Variants in JADE1 observed in about 807,000 individuals in gnomAD.
JADE1 encodes protein Jade-1.
In JADE1, 14 loss-of-function variants were observed where a neutral mutation model predicts 81.8. The ratio of observed to expected loss-of-function variants is 0.17; its 90% CI spans 0.11 to 0.27. JADE1 has a LOEUF of 0.27. Among genes scored for constraint, JADE1 ranks in the 10% least tolerant of loss-of-function variants. JADE1 has a pLI of 1.00. For missense variants in JADE1, 690 were observed against 1,047.9 expected (o/e 0.66, Z 4.71); for synonymous variants, 353 against 391.9 (o/e 0.90, Z 1.17).
chr4:128,872,870 G>C lies in JADE1; in HGVS notation c.*608G>C, dbSNP rs765136322. Reference sequence around the variant, plus strand: ...AAAGGTCATTATTGAAGAAGCTGAGGGGACAGGGTAGAGCTGCTGCAATAT... The same window carrying C: ...AAAGGTCATTATTGAAGAAGCTGAGCGGACAGGGTAGAGCTGCTGCAATAT... On this transcript the variant is annotated 3_prime_UTR_variant, in exon 11 of 11. Transcript: ENST00000226319. 1 of 453,868 alleles carries C rather than the reference G, an allele frequency of 2.2e-6. No homozygotes were observed. The highest frequency in any genetic ancestry group is 2.0e-5 in the African/African-American group (1 of 50,110). The allele number at this position is 453,868 out of a possible 1,614,324, so 28.1% of individuals were successfully genotyped here.
chr4:128,842,369 G>A (rs1448487043), intron 2 of JADE1, among the ~76,000 whole-genome samples: 1 of 150,896 alleles, frequency 6.6e-6, no homozygotes, highest in Non-Finnish European at 1.5e-5. Context: ...ACGCAGTCTC[G>A]GCTCACTTCA....
intron 1 of JADE1, among the ~76,000 whole-genome samples, chr4:128,822,385 A>T (rs995269499): frequency 3.3e-5 from 5 of 152,118 alleles, no homozygotes; most frequent in Non-Finnish European, 7.4e-5. Flanking sequence ...AAGTATCTTT[A>T]CTATTATAAG....
intron 9 of JADE1, 124 bp from the exon 10 acceptor site, chr4:128,867,732 T>C: frequency 1.8e-6 from 1 of 549,258 alleles, no homozygotes; most frequent in Middle Eastern, 4.3e-4. Context: ...AAAGTACCTA[T>C]TGATTTCAAG....
At chr4:128,815,193 C>CTCCGCCTCGG (rs1726913075) in intron 1 of JADE1, among the ~76,000 whole-genome samples, 1 of 151,926 alleles carries the variant, frequency 6.6e-6, no homozygotes, top group African/African-American at 2.4e-5. Flanking sequence ...CTCCGCCTCG[C>CTCCGCCTCGG]GGGTTCACGC....
rs559027825 is a variant in JADE1, at chr4:128,835,328, C to G, written c.52+3518C>G. Among the ~76,000 whole-genome samples the G allele has an allele frequency of 9.8e-4, 149 of 152,286 alleles. 1 individual carries two copies. Among genetic ancestry groups the G allele is most frequent in the African/African-American group, 3.5e-3 (144 of 41,558 alleles). On this transcript the variant is annotated intron_variant, in intron 2 of 10. Transcript: ENST00000226319. ...TAAGGTGGATGATGGTAGTGGTAAACGCAGAGTTCTCATTAAGAACCCCTG... is the reference window on the plus strand; with the variant it reads ...TAAGGTGGATGATGGTAGTGGTAAAGGCAGAGTTCTCATTAAGAACCCCTG...
Position 128,871,588 on chromosome 4 carries a change from G to A in JADE1, c.1855G>A (p.Gly619Ser), listed in dbSNP as rs1475145502. Residue 619 changes from glycine to serine, a missense_variant, in exon 11 of 11, where the codon GGT becomes AGT. Physicochemically the swap from Gly to Ser is moderately conservative, Grantham distance 56 (BLOSUM62 0). Coordinates refer to ENST00000226319, the MANE Select transcript of JADE1 (RefSeq NM_199320.4). The surrounding 1 kb of genome is among the most constrained non-coding windows in gnomAD (Gnocchi z 4.1). ...CCTGCTGAAGCAGCCAGACCTGTGT[G>A]GTAGAAGGGAGGGGATGGTGGTCCC... is the stretch of plus-strand genomic sequence containing the variant. ...KTLLKQPDLC[G>S]RREGMVVPES... 6.2e-7 allele frequency: 1 copy of A among 1,614,170 alleles called. No homozygotes were observed. The highest frequency in any genetic ancestry group is 1.1e-5 in the South Asian group (1 of 91,082).
In JADE1 at chr4:128,861,836, A is replaced by G. The variant is rs992331235; in HGVS notation, c.1114A>G (p.Arg372Gly). 1.9e-6 allele frequency: 3 copies of G among 1,614,228 alleles called. No homozygotes were observed. Among genetic ancestry groups the G allele is most frequent in the Non-Finnish European group, 2.5e-6 (3 of 1,180,026 alleles). ...CTATTGCCCAAAGCACAGCTCACAT[A>G]GGAAACCCGAGGAGAGTCTTGGCAA... ...KSYCPKHSSH[R>G]KPEESLGKGA... Residue 372 changes from arginine (R) to glycine (G), a missense_variant, in exon 9 of 11, where the codon AGG (arginine) becomes GGG (glycine). Physicochemically the swap from Arg to Gly is moderately radical, Grantham distance 125. This residue lies in a region of JADE1 where 77 missense variants were observed against 76.4 expected (regional missense o/e 1.01). Coordinates refer to ENST00000226319, the MANE Select transcript of JADE1 (RefSeq NM_199320.4).
intron 8 of JADE1, among the ~76,000 whole-genome samples, chr4:128,858,268 A>G (rs956749241): frequency 6.6e-6 from 1 of 152,102 alleles, no homozygotes; most frequent in African/African-American, 2.4e-5. Context: ...CCTACTGAGA[A>G]GTTCGTTTTT....
rs188570857 is a variant in JADE1, at chr4:128,869,400, G to A, written c.1621+1427G>A. Among the ~76,000 whole-genome samples the A allele has an allele frequency of 3.9e-5, 6 of 152,320 alleles. No homozygotes were observed. The East Asian group carries it at 7.7e-4, about 20-fold the overall frequency. On this transcript the variant is annotated intron_variant, in intron 10 of 10. Transcript: ENST00000226319. ...ATCTGTTTAACTGCCTTGGAAGACT[G>A]TCTGGTGCAGATCACCGAGCCTACA... is the stretch of plus-strand genomic sequence containing the variant.
At chr4:128,851,349 C>T (rs1730339533) in intron 5 of JADE1, among the ~76,000 whole-genome samples, 2 of 152,112 alleles carry the variant, frequency 1.3e-5, no homozygotes, top group African/African-American at 4.8e-5. Context: ...ACTGTTTTAC[C>T]TACCAAGAAA....
intron 8 of JADE1, among the ~76,000 whole-genome samples, chr4:128,858,584 T>C (rs1331226782): frequency 6.7e-6 from 1 of 148,998 alleles, no homozygotes; most frequent in Non-Finnish European, 1.5e-5. Context: ...TAAATACTTT[T>C]TGGGAAGGTG....
chr4:128,856,008 G>T (rs1013311981), intron 7 of JADE1, among the ~76,000 whole-genome samples: 1 of 151,898 alleles, frequency 6.6e-6, no homozygotes, highest in African/African-American at 2.4e-5. Flanking sequence ...TTGTAGTGAG[G>T]GGATCTCACT....
intron 1 of JADE1, among the ~76,000 whole-genome samples, chr4:128,821,001 T>C (rs1429430875): frequency 1.3e-5 from 2 of 152,204 alleles, no homozygotes; most frequent in African/African-American, 4.8e-5. Flanking sequence ...TTCTCATGCT[T>C]ATTCTTACCT....
intron 2 of JADE1, among the ~76,000 whole-genome samples, chr4:128,840,888 G>GTGC (rs1197584282): frequency 1.3e-5 from 2 of 152,258 alleles, no homozygotes; most frequent in Admixed American, 1.3e-4. Flanking sequence ...TCTGCTGATT[G>GTGC]TGCTGGTGGA....
intron 1 of JADE1, among the ~76,000 whole-genome samples, chr4:128,827,235 A>G (rs1210263115): frequency 6.6e-6 from 1 of 152,162 alleles, no homozygotes; most frequent in African/African-American, 2.4e-5. Context: ...CTGCTTTACC[A>G]TTTCTAACAA....
In JADE1 at chr4:128,874,513, AAAAC is replaced by A. The variant is rs542996443; in HGVS notation, c.*2252_*2255del. On this transcript the variant is annotated 3_prime_UTR_variant, in exon 11 of 11. Coordinates refer to ENST00000226319, the MANE Select transcript of JADE1 (RefSeq NM_199320.4). Reference sequence around the variant, plus strand: ...AAAAACAAAACAAAAAATATTAAAAAAAACCCACACAAAAACAAAACACACAAAA... The same window carrying A: ...AAAAACAAAACAAAAAATATTAAAAACCACACAAAAACAAAACACACAAAA... 1.3e-5 allele frequency: 2 copies of A among 152,286 alleles called. No individual in the cohort carries two copies. Among genetic ancestry groups the A allele is most frequent in the Non-Finnish European group, 2.9e-5 (2 of 67,964 alleles). The allele number at this position is 152,286 out of a possible 1,614,324, so 9.4% of individuals were successfully genotyped here.
intron 2 of JADE1, among the ~76,000 whole-genome samples, chr4:128,838,310 C>G (rs2125840271): frequency 6.6e-6 from 1 of 152,272 alleles, no homozygotes; most frequent in East Asian, 1.9e-4. Context: ...CAGTGTATGT[C>G]AAGAATTTTA....
At chr4:128,868,248 A>C (rs1327472771) in intron 10 of JADE1, among the ~76,000 whole-genome samples, 1 of 152,188 alleles carries the variant, frequency 6.6e-6, no homozygotes, top group Non-Finnish European at 1.5e-5. Context: ...TCATGTGCAA[A>C]ATGGAGATAT....
chr4:128,833,795 T>A (rs575674318), intron 2 of JADE1, among the ~76,000 whole-genome samples: 22 of 152,334 alleles, frequency 1.4e-4, no homozygotes, highest in Admixed American at 2.6e-4. Context: ...AGAGCCCTAT[T>A]TAAATATTTT....
Sources: gnomAD v4.1 joint callset for allele counts (sites outside exome capture counted in the v4.1 genomes callset) on GRCh38, gnomAD v4.1.1 for gene constraint, gnomAD v4.1.1 regional missense constraint, Gnocchi (gnomAD v3.1) non-coding constraint, MANE v1.5 for transcripts, NCBI Gene and HGNC (gene_info 2026-07-23, HGNC 2026-07-21) for gene names.